The following CAST variants were observed in gnomAD, a reference collection of about 807,000 sequenced individuals.
CAST encodes calpastatin.
CAST carries 76 observed loss-of-function variants against 119.6 expected under a neutral mutation model. That is an observed-to-expected ratio of 0.64 (90% confidence interval 0.53 to 0.77). CAST has a LOEUF of 0.77. CAST is among the 30% of genes least tolerant of loss of function. CAST has a pLI of 0.00. For missense variants in CAST, 953 were observed against 946.5 expected (o/e 1.01, Z -0.09); for synonymous variants, 319 against 331.6 (o/e 0.96, Z 0.41).
the CAST span, among the ~76,000 whole-genome samples, chr5:96,134,732 T>C: frequency 6.6e-6 from 1 of 152,200 alleles, no homozygotes; most frequent in Non-Finnish European, 1.5e-5. Context: ...AGTCAATATT[T>C]ATGGAGTGCT....
chr5:96,389,473 G>T, the CAST span, among the ~76,000 whole-genome samples: 5 of 152,188 alleles, frequency 3.3e-5, no homozygotes, highest in Admixed American at 2.0e-4. Flanking sequence ...ATTTCTGAAA[G>T]ATCATTCTAG....
chr5:96,713,111 TTCAGCAGA>T (rs1756499137), intron 3 of CAST, among the ~76,000 whole-genome samples: 1 of 151,830 alleles, frequency 6.6e-6, no homozygotes, highest in Non-Finnish European at 1.5e-5. Context: ...TGGATGATTG[TTCAGCAGA>T]CCTCAGAATT....
At chr5:96,545,981 C>G (rs1284854897) in intron 1 of CAST, among the ~76,000 whole-genome samples, 1 of 152,204 alleles carries the variant, frequency 6.6e-6, no homozygotes, top group Non-Finnish European at 1.5e-5. Flanking sequence ...TGACCTTTAT[C>G]CAAGCAGTTA....
chr5:96,662,830 G>GTGGTTTCACTGGACAGCGGGA (rs1748745240), intron 1 of CAST, among the ~76,000 whole-genome samples: 2 of 152,226 alleles, frequency 1.3e-5, no homozygotes, highest in African/African-American at 4.8e-5. Flanking sequence ...AGTGAGTGGG[G>GTGGTTTCACTGGACAGCGGGA]TGGTTTCACT....
At chr5:96,741,870 G>C in intron 15 of CAST, 2 of 289,318 alleles carry the variant, frequency 6.9e-6, no homozygotes, top group Non-Finnish European at 1.3e-5. Flanking sequence ...TGCACTCTTG[G>C]AACATAAAAC....
chr5:96,384,309 G>A, the CAST span, among the ~76,000 whole-genome samples: 1 of 152,276 alleles, frequency 6.6e-6, no homozygotes, highest in East Asian at 1.9e-4. Flanking sequence ...AAGCTGAGAA[G>A]ACAATCCACA....
At chr5:96,237,920 T>G in the CAST span, among the ~76,000 whole-genome samples, 1 of 152,072 alleles carries the variant, frequency 6.6e-6, no homozygotes. Context: ...TTTGCTTCCT[T>G]TGGGTTTACT....
the CAST span, among the ~76,000 whole-genome samples, chr5:96,478,281 G>GA: frequency 0.33 from 50,330 of 152,092 alleles, 9,496 homozygotes; most frequent in Non-Finnish European, 0.44. Flanking sequence ...TTCTTACTGT[G>GA]AAAAAACTTA....
chr5:96,294,748 C>T, the CAST span, among the ~76,000 whole-genome samples: 9 of 152,310 alleles, frequency 5.9e-5, no homozygotes, highest in African/African-American at 1.7e-4. Context: ...TTTCTAGCCG[C>T]CAGGCTTTGG....
intron 3 of CAST, among the ~76,000 whole-genome samples, chr5:96,708,900 G>A (rs760349904): frequency 2.6e-5 from 4 of 152,104 alleles, no homozygotes; most frequent in Admixed American, 6.5e-5. Flanking sequence ...TGACTCTCCC[G>A]CATGCTATTT....
chr5:96,284,278 G>A, the CAST span, among the ~76,000 whole-genome samples: 5 of 152,138 alleles, frequency 3.3e-5, no homozygotes, highest in African/African-American at 1.2e-4. Flanking sequence ...AATAACTATT[G>A]GCTGGATCAT....
At chr5:96,731,641 A>G (rs1760537400) in intron 9 of CAST, among the ~76,000 whole-genome samples, 4 of 150,624 alleles carry the variant, frequency 2.7e-5, no homozygotes, top group Admixed American at 6.6e-5. Context: ...TCCCAATGCT[A>G]TCCCTCCCCC....
At chr5:96,653,083 T>C (rs4400148) in intron 1 of CAST, among the ~76,000 whole-genome samples, 98,692 of 152,098 alleles carry the variant, frequency 0.65, 33,626 homozygotes, top group African/African-American at 0.85. Context: ...AGTTATTCCA[T>C]AGTTTAGTGA....
At chr5:96,253,217 T>G in the CAST span, among the ~76,000 whole-genome samples, 1 of 152,084 alleles carries the variant, frequency 6.6e-6, no homozygotes, top group Non-Finnish European at 1.5e-5. Flanking sequence ...GTTTAATCTA[T>G]CCAGGGCTAA....
At chr5:96,689,932 T>C (rs1261907503) in intron 2 of CAST, among the ~76,000 whole-genome samples, 1 of 152,164 alleles carries the variant, frequency 6.6e-6, no homozygotes, top group Admixed American at 6.5e-5. Context: ...TCATTCCAAT[T>C]CCCATGATGT....
the CAST span, among the ~76,000 whole-genome samples, chr5:96,098,738 G>A: frequency 1.3e-5 from 2 of 152,292 alleles, no homozygotes; most frequent in South Asian, 4.1e-4. Flanking sequence ...CTGTAGTATA[G>A]TTTGAAGTTG....
At chr5:96,299,674 T>G in the CAST span, among the ~76,000 whole-genome samples, 1 of 152,222 alleles carries the variant, frequency 6.6e-6, no homozygotes, top group East Asian at 1.9e-4. Flanking sequence ...TCTTCAGCAT[T>G]CACGTATACA....
rs575855268 is a variant in CAST, at chr5:96,686,721, A to G, written c.139-9115A>G. On this transcript the variant is annotated intron_variant, in intron 2 of 31. Transcript: ENST00000675179. ...TGTAGATTTATGTAAAGAACAGCAG[A>G]TAAAGCAATGAAAAATGAAGTCAGT... Among the ~76,000 whole-genome samples the G allele has an allele frequency of 2.6e-5, 4 of 152,348 alleles. No homozygotes were observed. The South Asian group carries it at 8.3e-4, about 32-fold the overall frequency.
chr5:96,536,553 G>C (rs560757357), intron 1 of CAST, among the ~76,000 whole-genome samples: 1 of 152,306 alleles, frequency 6.6e-6, no homozygotes, highest in South Asian at 2.1e-4. Flanking sequence ...ATAGAAGTAA[G>C]GAAGGAGAGG....
Sources: allele counts gnomAD v4.1 joint callset (sites outside exome capture counted in the v4.1 genomes callset), GRCh38; gene constraint gnomAD v4.1.1; transcripts MANE v1.5; gene names NCBI Gene and HGNC (gene_info 2026-07-23, HGNC 2026-07-21).